The following AK4 variants were observed in gnomAD, a reference collection of about 807,000 sequenced individuals.
AK4 encodes adenylate kinase 4, mitochondrial.
In AK4, 13 loss-of-function variants were observed where a neutral mutation model predicts 24.6. The observed-to-expected ratio is 0.53, with a 90% CI of 0.34 to 0.84. The LOEUF (loss-of-function observed/expected upper bound fraction) is 0.84, where lower values mean the gene tolerates loss of function less well. AK4 is among the 40% of genes least tolerant of loss of function. The pLI, the probability that AK4 is intolerant of heterozygous loss-of-function variation, is 0.01. For missense variants in AK4, 192 were observed against 288.2 expected (o/e 0.67, Z 2.42); for synonymous variants, 88 against 107.0 (o/e 0.82, Z 1.10).
intron 2 of AK4, among the ~76,000 whole-genome samples, chr1:65,216,490 A>G (rs993240103): frequency 3.9e-5 from 6 of 152,082 alleles, no homozygotes; most frequent in Non-Finnish European, 8.8e-5. Context: ...CCAAAGTTCA[A>G]ATATTTTCTT....
rs181194173 is a variant in AK4 at position 65,168,480 on chromosome 1, A to G, written c.145+19928A>G. On this transcript the variant is annotated intron_variant, in intron 1 of 4. Transcript: ENST00000327299. ...CTTTTTGTTTGTTTTTGTAAAGATG[A>G]GGGTCTCTGTTATGTTATCTAGGTG... 1.4e-4 allele frequency among the ~76,000 whole-genome samples: 22 copies of G among 151,744 alleles called. No individual in the cohort carries two copies. The East Asian group carries it at 4.3e-3, about 29-fold the overall frequency.
intron 2 of AK4, among the ~76,000 whole-genome samples, chr1:65,191,301 C>G (rs1338525673): frequency 6.6e-6 from 1 of 152,182 alleles, no homozygotes; most frequent in Non-Finnish European, 1.5e-5. Context: ...ATTATATATA[C>G]TTTCTGATCC....
chr1:65,149,849 CGCCT>C (rs1311439122), intron 1 of AK4, among the ~76,000 whole-genome samples: 1 of 152,082 alleles, frequency 6.6e-6, no homozygotes, highest in Non-Finnish European at 1.5e-5. Flanking sequence ...ACCTCAAGTG[CGCCT>C]ATTTTGATTT....
Position 65,154,347 on chromosome 1 carries a change from C to T in AK4, c.145+5795C>T, listed in dbSNP as rs115051484. On this transcript the variant is annotated intron_variant, in intron 1 of 4. Transcript: ENST00000327299. ...TGAATGTGCTATAGGGTTGAATGAA[C>T]TAGAATGTGTCTAACCAATCTTTTG... The T allele has an allele frequency of 2.6e-3, 867 of 339,874 alleles. 7 individuals carry two copies. The highest frequency in any genetic ancestry group is 0.017 in the African/African-American group (786 of 47,102). The allele number at this position is 339,874 out of a possible 1,614,324, so 21.1% of individuals were successfully genotyped here.
At chr1:65,161,593 C>G (rs1039906137) in intron 1 of AK4, among the ~76,000 whole-genome samples, 2 of 152,180 alleles carry the variant, frequency 1.3e-5, no homozygotes, top group East Asian at 3.9e-4. Flanking sequence ...ATTTTCTTCT[C>G]TAAAATTCTC....
chr1:65,152,376 ATATATATATT>A (rs1649816517), intron 1 of AK4, among the ~76,000 whole-genome samples: 1 of 66,770 alleles, frequency 1.5e-5, no homozygotes, highest in Admixed American at 2.5e-4. Context: ...ATATATATAT[ATATATATATT>A]TTTTTTTTTT....
At chr1:65,168,714 G>A (rs1650414333) in intron 1 of AK4, among the ~76,000 whole-genome samples, 3 of 152,340 alleles carry the variant, frequency 2.0e-5, no homozygotes, top group South Asian at 2.1e-4. Flanking sequence ...ATTTGAGGGT[G>A]CATACCAGGG....
chr1:65,154,285 A>G (rs1381410863), intron 1 of AK4, among the ~76,000 whole-genome samples: 1 of 152,224 alleles, frequency 6.6e-6, no homozygotes, highest in Admixed American at 6.5e-5. Flanking sequence ...GAAGTCTACA[A>G]TGAATCCTAG....
Position 65,204,303 on chromosome 1 carries a change from C to T in AK4, c.265+13474C>T, listed in dbSNP as rs768580824. ...GCAACCTCCACCTCCTGGGTTCAAG[C>T]GATTCTCCTGCCTCAGCCTCCCAAG... On this transcript the variant is annotated intron_variant, in intron 2 of 4. Coordinates refer to ENST00000327299, the MANE Select transcript of AK4 (RefSeq NM_013410.4). Among the ~76,000 whole-genome samples, 12 of 151,678 alleles carry T rather than the reference C, an allele frequency of 7.9e-5. No homozygotes were observed. The East Asian group carries it at 1.6e-3, about 20-fold the overall frequency.
rs1181703756 is a variant in AK4 at position 65,200,137 on chromosome 1, G to A, written c.265+9308G>A. On this transcript the variant is annotated intron_variant, in intron 2 of 4. Transcript: ENST00000327299. ...TGTTTTGTTTTGTTTTGTTTTGTCA[G>A]AATTTTGTTTTTGCTGCCCAGGCTG... is the stretch of plus-strand genomic sequence containing the variant. 5.8e-5 allele frequency among the ~76,000 whole-genome samples: 4 copies of A among 68,554 alleles called. No homozygotes were observed. The East Asian group carries it at 2.9e-3, about 49-fold the overall frequency. The allele number at this position is 68,554 out of a possible 152,430, so 45.0% of individuals were successfully genotyped here.
intron 2 of AK4, among the ~76,000 whole-genome samples, chr1:65,208,614 G>A (rs1455286128): frequency 6.6e-6 from 1 of 152,172 alleles, no homozygotes; most frequent in East Asian, 1.9e-4. Flanking sequence ...GAGGTAGGAA[G>A]GGGGCTGATG....
intron 2 of AK4, among the ~76,000 whole-genome samples, chr1:65,203,025 A>G (rs909622588): frequency 2.6e-5 from 4 of 151,968 alleles, no homozygotes; most frequent in African/African-American, 9.7e-5. Flanking sequence ...GATGCAGGCC[A>G]CTACGCCTGG....
chr1:65,201,606 T>G (rs1040326858), intron 2 of AK4, among the ~76,000 whole-genome samples: 5 of 152,200 alleles, frequency 3.3e-5, no homozygotes, highest in African/African-American at 1.2e-4. Context: ...GTAGCATGCT[T>G]CCTGACCTCA....
At chr1:65,193,557 TC>T (rs1286928659) in intron 2 of AK4, among the ~76,000 whole-genome samples, 12 of 152,314 alleles carry the variant, frequency 7.9e-5, no homozygotes, top group African/African-American at 2.9e-4. Flanking sequence ...TCCAAATTCT[TC>T]TGTTTTGCTT....
At chr1:65,211,486 A>G (rs912748314) in intron 2 of AK4, among the ~76,000 whole-genome samples, 2 of 152,228 alleles carry the variant, frequency 1.3e-5, no homozygotes, top group Non-Finnish European at 2.9e-5. Flanking sequence ...CAGGAGGAAG[A>G]CAGCATGGTG....
At chr1:65,173,850 G>T (rs1650623186) in intron 1 of AK4, among the ~76,000 whole-genome samples, 1 of 144,692 alleles carries the variant, frequency 6.9e-6, no homozygotes, top group Non-Finnish European at 1.5e-5. Flanking sequence ...GTGACAAAGG[G>T]AGACCCTGTC....
At chr1:65,210,118 C>G (rs1294794587) in intron 2 of AK4, among the ~76,000 whole-genome samples, 1 of 152,148 alleles carries the variant, frequency 6.6e-6, no homozygotes, top group Admixed American at 6.5e-5. Flanking sequence ...TTTTAAAAGT[C>G]TTGTAGATGA....
chr1:65,182,547 A>AAAAAC (rs1650946695), intron 1 of AK4, among the ~76,000 whole-genome samples: 1 of 152,188 alleles, frequency 6.6e-6, no homozygotes, highest in African/African-American at 2.4e-5. Context: ...TAAAAAAAAA[A>AAAAAC]AGACCTCATT....
At chr1:65,152,384 ATTTTTTTTTTTTTTT>A (rs552572978) in intron 1 of AK4, among the ~76,000 whole-genome samples, 41 of 16,438 alleles carry the variant, frequency 2.5e-3, no homozygotes, top group East Asian at 5.6e-3. Flanking sequence ...ATATATATAT[ATTTTTTTTTTTTTTT>A]TTTTTTTTTT....
Sources: allele counts gnomAD v4.1 joint callset (sites outside exome capture counted in the v4.1 genomes callset), GRCh38; gene constraint gnomAD v4.1.1; transcripts MANE v1.5; gene names NCBI Gene and HGNC (gene_info 2026-07-23, HGNC 2026-07-21).